The following MGAT5 variants were observed in gnomAD, a reference collection of about 807,000 sequenced individuals.
MGAT5 encodes alpha-1,6-mannosylglycoprotein 6-beta-N-acetylglucosaminyltransferase A.
In MGAT5, 30 loss-of-function variants were observed where a neutral mutation model predicts 94.3. The observed-to-expected ratio is 0.32, with a 90% CI of 0.24 to 0.43. MGAT5 has a LOEUF of 0.43. MGAT5 is among the 20% of genes least tolerant of loss of function. The probability of loss-of-function intolerance (pLI) is 1.00; values close to 1 mark genes in which losing one functional copy is unlikely to be tolerated. For missense variants in MGAT5, 691 were observed against 905.5 expected, an observed-to-expected ratio of 0.76 and a Z score of 3.04; for synonymous variants, 310 against 322.9, an observed-to-expected ratio of 0.96 and a Z score of 0.43.
chr2:134,303,773 C>T (rs1312500334), intron 2 of MGAT5, among the ~76,000 whole-genome samples: 1 of 152,158 alleles, frequency 6.6e-6, no homozygotes, highest in Non-Finnish European at 1.5e-5. Context: ...TGGGCTCCCT[C>T]TTTTTGGGAA....
At chr2:134,169,772 G>A (rs750424421) in intron 1 of MGAT5, among the ~76,000 whole-genome samples, 2 of 152,166 alleles carry the variant, frequency 1.3e-5, no homozygotes, top group Non-Finnish European at 2.9e-5. Context: ...AGGTTTTGCT[G>A]ATGGTAGAAT....
intron 1 of MGAT5, among the ~76,000 whole-genome samples, chr2:134,129,670 C>A (rs1686026089): frequency 1.4e-5 from 2 of 144,066 alleles, no homozygotes; most frequent in South Asian, 2.2e-4. Context: ...AGATGTTGAG[C>A]TGAGTACTTT....
rs1254823163 is a variant in MGAT5 at position 134,254,384 on chromosome 2, GGT to G, written c.-18_-17del. ...TTCTACGCGTTAAGAGCCAAGGACA[GGT>G]GAAGTTGCCAGAGAGCAATGGCTCT... On this transcript the variant is annotated 5_prime_UTR_variant, in exon 1 of 16. Coordinates refer to ENST00000281923, the MANE Select transcript of MGAT5 (RefSeq NM_002410.5). 6.2e-7 allele frequency: 1 copy of G among 1,613,852 alleles called. No individual in the cohort carries two copies. The highest frequency in any genetic ancestry group is 8.5e-7 in the Non-Finnish European group (1 of 1,179,906).
intron 4 of MGAT5, among the ~76,000 whole-genome samples, chr2:134,322,018 A>G (rs1345569048): frequency 6.6e-6 from 1 of 152,158 alleles, no homozygotes; most frequent in Non-Finnish European, 1.5e-5. Flanking sequence ...AATATCTTAG[A>G]GTCACACCTG....
intron 14 of MGAT5, 137 bp from the exon 15 acceptor site, chr2:134,441,621 C>A: frequency 9.8e-7 from 1 of 1,024,642 alleles, no homozygotes; most frequent in Non-Finnish European, 1.4e-6. Context: ...CAATCCAGCC[C>A]ATCCATGTGG....
chr2:134,386,452 C>T (rs1681978724), intron 10 of MGAT5, among the ~76,000 whole-genome samples: 1 of 152,124 alleles, frequency 6.6e-6, no homozygotes, highest in Non-Finnish European at 1.5e-5. Flanking sequence ...TCCTTTTTCT[C>T]TTAAAATAGA....
intron 1 of MGAT5, among the ~76,000 whole-genome samples, chr2:134,166,015 A>T (rs533851266): frequency 6.6e-6 from 1 of 152,198 alleles, no homozygotes; most frequent in African/African-American, 2.4e-5. Context: ...GTCTCGGCAC[A>T]TAGCAGGTTC....
At chr2:134,167,537 G>A (rs1339226016) in intron 1 of MGAT5, among the ~76,000 whole-genome samples, 1 of 152,182 alleles carries the variant, frequency 6.6e-6, no homozygotes, top group Non-Finnish European at 1.5e-5. Context: ...AGGTGATGAT[G>A]TTGCCGGTTC....
chr2:134,234,470 G>A (rs1198972245), intron 1 of MGAT5, among the ~76,000 whole-genome samples: 2 of 152,212 alleles, frequency 1.3e-5, no homozygotes, highest in African/African-American at 4.8e-5. Context: ...ATAAGACTAT[G>A]GGGGTCCATA....
chr2:134,236,812 G>A (rs1453885806), intron 1 of MGAT5, among the ~76,000 whole-genome samples: 3 of 152,110 alleles, frequency 2.0e-5, no homozygotes, highest in African/African-American at 7.2e-5. Context: ...TCTAAGTGCA[G>A]GGACTCTGTC....
At chr2:134,376,332 C>G (rs1681168347) in intron 10 of MGAT5, among the ~76,000 whole-genome samples, 1 of 152,112 alleles carries the variant, frequency 6.6e-6, no homozygotes, top group Admixed American at 6.5e-5. Context: ...ACTTCTCCTC[C>G]TTCCTCTTCC....
In MGAT5 at chr2:134,257,622, G is replaced by C. The variant is rs556660299; in HGVS notation, c.241+2978G>C. 1.1e-4 allele frequency among the ~76,000 whole-genome samples: 17 copies of C among 152,274 alleles called. No homozygotes were observed. The South Asian group carries it at 3.3e-3, about 30-fold the overall frequency. ...AACAAGAGGATTGTACTAGGGATTA[G>C]TTAGTATAGTCCAGGGCCAGTCCTA... On this transcript the variant is annotated intron_variant, in intron 1 of 15. Transcript: ENST00000281923.
chr2:134,254,232 C>G lies in MGAT5; in HGVS notation c.-172C>G. On this transcript the variant is annotated 5_prime_UTR_variant, in exon 1 of 16. Coordinates refer to ENST00000281923, the MANE Select transcript of MGAT5 (RefSeq NM_002410.5). ...TTATTTTGCTGTATTGTGCCATGAC[C>G]ACTTGGCTAATTCTTCTCCTCCTTC... The G allele has an allele frequency of 1.4e-6, 1 of 706,424 alleles. No individual in the cohort carries two copies. Among genetic ancestry groups the G allele is most frequent in the Non-Finnish European group, 2.3e-6 (1 of 429,416 alleles). 43.8% of individuals were successfully genotyped at this position (706,424 alleles called of 1,614,324 possible). A position where few individuals can be genotyped will look rare whatever the true frequency, so the allele number is the denominator to read the frequency against.
At chr2:134,290,413 G>A (rs1228513534) in intron 2 of MGAT5, among the ~76,000 whole-genome samples, 1 of 148,194 alleles carries the variant, frequency 6.7e-6, no homozygotes, top group African/African-American at 2.5e-5. Context: ...GCAAATTGGG[G>A]ACTGATGATC....
At chr2:134,317,052 T>C (rs191586013) in intron 2 of MGAT5, among the ~76,000 whole-genome samples, 2 of 151,732 alleles carry the variant, frequency 1.3e-5, no homozygotes, top group Admixed American at 1.3e-4. Flanking sequence ...TGGCTCTCTG[T>C]GCACCAGCTC....
chr2:134,252,331 G>A (rs1283913049), upstream of MGAT5, among the ~76,000 whole-genome samples: 1 of 152,216 alleles, frequency 6.6e-6, no homozygotes, highest in Non-Finnish European at 1.5e-5. Context: ...AGACCAGCAG[G>A]TACGTAGTGG....
chr2:134,196,446 C>A (rs113250544), intron 1 of MGAT5, among the ~76,000 whole-genome samples: 2,315 of 151,236 alleles, frequency 0.015, 18 homozygotes, highest in Non-Finnish European at 0.02. Flanking sequence ...TTTTAAAACA[C>A]TCTTTAAAAT....
At chr2:134,236,432 C>T (rs1484905236) in intron 1 of MGAT5, among the ~76,000 whole-genome samples, 2 of 152,082 alleles carry the variant, frequency 1.3e-5, no homozygotes, top group Admixed American at 1.3e-4. Context: ...TTAGTAGTTC[C>T]CATAATCCAC....
intron 1 of MGAT5, among the ~76,000 whole-genome samples, chr2:134,200,697 C>CTG (rs1679743688): frequency 6.6e-6 from 1 of 152,122 alleles, no homozygotes; most frequent in Non-Finnish European, 1.5e-5. Context: ...TTCTCTGCTT[C>CTG]TGTGGAGCCT....
Sources: allele counts gnomAD v4.1 joint callset (sites outside exome capture counted in the v4.1 genomes callset), GRCh38; gene constraint gnomAD v4.1.1; transcripts MANE v1.5; gene names NCBI Gene and HGNC (gene_info 2026-07-23, HGNC 2026-07-21).